Variants in TARS3 observed in about 807,000 individuals in gnomAD.
TARS3 encodes the protein threonine--tRNA ligase 2, cytoplasmic.
In TARS3, 94 loss-of-function variants were observed where a neutral mutation model predicts 103.5. The observed-to-expected ratio is 0.91, with a 90% confidence interval of 0.77 to 1.08. The LOEUF (loss-of-function observed/expected upper bound fraction) is 1.08, where lower values mean the gene tolerates loss of function less well. TARS3 is among the 50% of genes least tolerant of loss of function. The pLI is 0.00. For synonymous variants in TARS3, 416 were observed against 355.4 expected, an observed-to-expected ratio of 1.17 and a Z score of -1.92; for missense variants, 952 against 995.2, an observed-to-expected ratio of 0.96 and a Z score of 0.58.
At chr15:101,658,311 C>CAAAA (rs36121104) in intron 16 of TARS3, among the ~76,000 whole-genome samples, 31 of 70,126 alleles carry the variant, frequency 4.4e-4, no homozygotes, top group East Asian at 6.7e-4. Flanking sequence ...ACACCATCAG[C>CAAAA]AAAAAAAAAA....
At chr15:101,706,926 AT>A (rs1227982174) in intron 6 of TARS3, among the ~76,000 whole-genome samples, 3 of 152,226 alleles carry the variant, frequency 2.0e-5, no homozygotes, top group African/African-American at 7.2e-5. Context: ...CAAATCACAT[AT>A]CTGTTAAGAA....
intron 12 of TARS3, among the ~76,000 whole-genome samples, chr15:101,682,953 C>T (rs1245734458): frequency 6.6e-6 from 1 of 152,170 alleles, no homozygotes; most frequent in Non-Finnish European, 1.5e-5. Flanking sequence ...ATCTTTTTAA[C>T]AGCTACAGAA....
intron 15 of TARS3, among the ~76,000 whole-genome samples, chr15:101,666,255 G>A (rs955585023): frequency 1.6e-4 from 25 of 151,966 alleles, no homozygotes; most frequent in African/African-American, 6.0e-4. Flanking sequence ...AGGCTGAGGT[G>A]GGCGGAGGTA....
At chr15:101,691,452 G>C (rs1010448992) in intron 10 of TARS3, among the ~76,000 whole-genome samples, 10 of 151,370 alleles carry the variant, frequency 6.6e-5, no homozygotes, top group Non-Finnish European at 1.2e-4. Context: ...GCTAATTTTT[G>C]TATTTTTAGT....
intron 7 of TARS3, 50 bp downstream of exon 7, chr15:101,705,633 A>T (rs1389837416): frequency 1.3e-6 from 2 of 1,536,684 alleles, no homozygotes; most frequent in South Asian, 1.2e-5. Flanking sequence ...TCTACTGCTA[A>T]CACCTTCAAG....
chr15:101,713,703 A>G (rs1236169435), intron 4 of TARS3, among the ~76,000 whole-genome samples: 2 of 152,210 alleles, frequency 1.3e-5, no homozygotes, highest in Non-Finnish European at 2.9e-5. Context: ...ACAGGAAGAA[A>G]TAAGTTTTGG....
At chr15:101,678,545 T>G (rs940912798) in intron 12 of TARS3, among the ~76,000 whole-genome samples, 9 of 152,136 alleles carry the variant, frequency 5.9e-5, no homozygotes, top group Non-Finnish European at 1.3e-4. Flanking sequence ...ATATAACTTA[T>G]CAGTCCAGAT....
Position 101,653,607 on chromosome 15 carries a change from ATTGTT to A in TARS3, c.*970_*974del, listed in dbSNP as rs986592203. 1.8e-4 allele frequency: 27 copies of A among 152,382 alleles called. 1 individual carries two copies. The highest frequency in any genetic ancestry group is 6.8e-3 in the Middle Eastern group (2 of 294). The allele number at this position is 152,382 out of a possible 1,614,324, so 9.4% of individuals were successfully genotyped here. On this transcript the variant is annotated 3_prime_UTR_variant, in exon 19 of 19. Coordinates refer to ENST00000335968, the MANE Select transcript of TARS3 (RefSeq NM_152334.3). The stretch of plus-strand genomic sequence containing the variant: ...ATACTACTACACAAGCCTGATATAT[ATTGTT>A]TTGTTTGCCAACTGTTTCACTGTTC...
intron 15 of TARS3, among the ~76,000 whole-genome samples, chr15:101,666,117 G>A (rs1268757702): frequency 6.6e-6 from 1 of 152,080 alleles, no homozygotes; most frequent in East Asian, 1.9e-4. Context: ...TTTATTTCAT[G>A]TCTACTTACT....
At chr15:101,680,726 C>T (rs902430073) in intron 12 of TARS3, among the ~76,000 whole-genome samples, 2 of 152,194 alleles carry the variant, frequency 1.3e-5, no homozygotes, top group Non-Finnish European at 2.9e-5. Flanking sequence ...ATATGCCTCA[C>T]AAATATTTTC....
At chr15:101,698,091 C>T (rs981872802) in intron 10 of TARS3, among the ~76,000 whole-genome samples, 3 of 152,164 alleles carry the variant, frequency 2.0e-5, no homozygotes, top group African/African-American at 7.2e-5. Flanking sequence ...AATCCCAGCA[C>T]TTTGGGAGGC....
chr15:101,705,911 T>G (rs574272058), intron 6 of TARS3, among the ~76,000 whole-genome samples, 164 bp from the exon 7 acceptor site: 2 of 152,296 alleles, frequency 1.3e-5, no homozygotes, highest in Non-Finnish European at 2.9e-5. Context: ...CCGTGCAGCA[T>G]GGAGGCCACA....
At position 101,654,551 on chromosome 15, in the gene TARS3, G is replaced by A. The variant is rs760845851; in HGVS notation, c.*31C>T. On this transcript the variant is annotated 3_prime_UTR_variant, in exon 19 of 19. Transcript: ENST00000335968. ...ATACATTTTTAAGGGTCAAAACAAA[G>A]TTACACAGAAGCAAATATCAGGGAA... The A allele has an allele frequency of 6.2e-7, 1 of 1,600,714 alleles. No individual in the cohort carries two copies. The highest frequency in any genetic ancestry group is 2.2e-5 in the East Asian group (1 of 44,802).
chr15:101,685,594 G>T (rs1898435430), intron 11 of TARS3, among the ~76,000 whole-genome samples: 1 of 152,096 alleles, frequency 6.6e-6, no homozygotes, highest in African/African-American at 2.4e-5. Context: ...ATATGAACAT[G>T]TGAAGTGCAT....
chr15:101,724,466 C>G lies in TARS3; in HGVS notation c.-79G>C. On this transcript the variant is annotated 5_prime_UTR_variant, in exon 1 of 19. Coordinates refer to ENST00000335968, the MANE Select transcript of TARS3 (RefSeq NM_152334.3). The stretch of plus-strand genomic sequence containing the variant: ...GGCGACGCGGACACTCAGCGCACGG[C>G]AGAAGACAGGGCTCCCGGGAGGGGC... 1.5e-6 allele frequency: 2 copies of G among 1,340,474 alleles called. No homozygotes were observed. The highest frequency in any genetic ancestry group is 1.9e-6 in the Non-Finnish European group (2 of 1,052,286). 83.0% of individuals were successfully genotyped at this position (1,340,474 alleles called of 1,614,324 possible).
intron 15 of TARS3, among the ~76,000 whole-genome samples, chr15:101,668,143 G>A (rs1897653112): frequency 6.6e-6 from 1 of 152,162 alleles, no homozygotes; most frequent in Admixed American, 6.5e-5. Context: ...CACAACTTGG[G>A]TAACTGGTGC....
intron 15 of TARS3, among the ~76,000 whole-genome samples, chr15:101,670,900 CTG>C (rs1266922807): frequency 6.6e-6 from 1 of 152,182 alleles, no homozygotes; most frequent in African/African-American, 2.4e-5. Flanking sequence ...AGGCTCGATA[CTG>C]CATGGCTCCG....
intron 3 of TARS3, among the ~76,000 whole-genome samples, chr15:101,719,659 C>A (rs980423775): frequency 6.6e-6 from 1 of 152,308 alleles, no homozygotes; most frequent in East Asian, 1.9e-4. Flanking sequence ...GGGGTCTTGG[C>A]CTCAAAGCAT....
chr15:101,716,855 A>ATTTTTT (rs34234379), intron 3 of TARS3, among the ~76,000 whole-genome samples: 1 of 131,666 alleles, frequency 7.6e-6, no homozygotes, highest in Non-Finnish European at 1.6e-5. Context: ...CTACAATGTA[A>ATTTTTT]TTTTTTTTTT....
Sources: allele counts gnomAD v4.1 joint callset (sites outside exome capture counted in the v4.1 genomes callset), GRCh38; gene constraint gnomAD v4.1.1; transcripts MANE v1.5; gene names NCBI Gene and HGNC (gene_info 2026-07-23, HGNC 2026-07-21).